The following PXN variants were observed in gnomAD, a reference collection of about 807,000 sequenced individuals.
PXN encodes the protein testicular tissue protein Li 134.
A neutral mutation model predicts 103.6 loss-of-function variants in PXN; 61 were observed. The ratio of observed to expected loss-of-function variants is 0.59; its 90% CI spans 0.48 to 0.73. The LOEUF is 0.73. Among genes scored for constraint, PXN ranks in the 30% least tolerant of loss-of-function variants. The probability of loss-of-function intolerance (pLI) is 0.00; values close to 1 mark genes in which losing one functional copy is unlikely to be tolerated. For synonymous variants in PXN, 562 were observed against 607.8 expected (o/e 0.92, Z 1.11); for missense variants, 1,274 against 1,460.3 (o/e 0.87, Z 2.08).
In PXN at chr12:120,222,048, G is replaced by A. The variant is rs1448668813; in HGVS notation, c.696-290C>T. On this transcript the variant is annotated intron_variant, in intron 5 of 14. Transcript: ENST00000637617. This position sits in a 1 kb window ranked among gnomAD's most constrained non-coding sequence, Gnocchi z 4.7. Reference sequence around the variant, plus strand: ...CCTCCACAACACTGGACATGGAGGTGAGGCTACTGCAGTAACACGACGGCA... The same window carrying A: ...CCTCCACAACACTGGACATGGAGGTAAGGCTACTGCAGTAACACGACGGCA... Among the ~76,000 whole-genome samples, 2 of 152,210 alleles carry A rather than the reference G, an allele frequency of 1.3e-5. No individual in the cohort carries two copies. Among genetic ancestry groups the A allele is most frequent in the African/African-American group, 4.8e-5 (2 of 41,456 alleles).
chr12:120,264,626 G>C (rs544593653), intron 1 of PXN, among the ~76,000 whole-genome samples: 128 of 152,330 alleles, frequency 8.4e-4, no homozygotes, highest in Non-Finnish European at 1.6e-3. Context: ...CCAATAACAG[G>C]AAAACAGTAA....
intron 1 of PXN, among the ~76,000 whole-genome samples, chr12:120,238,571 A>G (rs796239639): frequency 6.6e-6 from 1 of 152,260 alleles, no homozygotes; most frequent in African/African-American, 2.4e-5. Context: ...GCAGAGCCAG[A>G]GGGCAACAGC....
rs1414976238 is a variant in PXN, at chr12:120,222,686, A to G, written c.558T>C (p.Thr186=). 3 of 1,609,500 alleles carry G rather than the reference A, an allele frequency of 1.9e-6. No individual in the cohort carries two copies. Among genetic ancestry groups the G allele is most frequent in the African/African-American group, 2.7e-5 (2 of 74,872 alleles). Residue 186 remains threonine, a synonymous_variant, in exon 5 of 15, where the codon ACT becomes ACC. Transcript: ENST00000637617. The surrounding 1 kb of genome is among the most constrained non-coding windows in gnomAD (Gnocchi z 4.7). ...CAGCTTTGCCTCCCAAGGGGCTGTT[A>G]GTCTCTGGGACACCATAGAGGGGGC... ...ALSPLYGVPE[T]NSPLGGKAGP...
In PXN at chr12:120,217,183, C is replaced by T. The variant is rs1594361551; in HGVS notation, c.1717-67G>A. The T allele has an allele frequency of 1.6e-6, 2 of 1,285,726 alleles. No individual in the cohort carries two copies. Among genetic ancestry groups the T allele is most frequent in the East Asian group, 2.5e-5 (1 of 39,842 alleles). 79.6% of individuals were successfully genotyped at this position (1,285,726 alleles called of 1,614,324 possible). Reference sequence around the variant, plus strand: ...AGCTTGCACAACGCTGCTCAGGCCACACTCAGATGCCTCAGGAGAGGGAGC... The same window carrying T: ...AGCTTGCACAACGCTGCTCAGGCCATACTCAGATGCCTCAGGAGAGGGAGC... On this transcript the variant is annotated intron_variant, in intron 7 of 14. Coordinates refer to ENST00000637617, the MANE Select transcript of PXN (RefSeq NM_001385981.1). The surrounding 1 kb of genome is among the most constrained non-coding windows in gnomAD (Gnocchi z 4.1).
At chr12:120,224,000 A>C (rs1886059462) in intron 2 of PXN, 151 bp downstream of exon 2, 4 of 792,492 alleles carry the variant, frequency 5.0e-6, no homozygotes, top group Non-Finnish European at 8.0e-6. Flanking sequence ...TCACTGTTCC[A>C]CTCACGTGGT....
At position 120,228,518 on chromosome 12, in the gene PXN, G is replaced by C. The variant is rs1887366859; in HGVS notation, c.14-4141C>G. 6.6e-6 allele frequency among the ~76,000 whole-genome samples: 1 copy of C among 152,250 alleles called. No individual in the cohort carries two copies. Among genetic ancestry groups the C allele is most frequent in the Non-Finnish European group, 1.5e-5 (1 of 68,036 alleles). ...GCAGACTGTCTGCTGCTCCCCACCA[G>C]AGGGCACCATTGGCCCGTCAGCTTC... On this transcript the variant is annotated intron_variant, in intron 1 of 14. Coordinates refer to ENST00000637617, the MANE Select transcript of PXN (RefSeq NM_001385981.1). The surrounding 1 kb of genome is among the most constrained non-coding windows in gnomAD (Gnocchi z 4.7).
In PXN at chr12:120,214,809, CGGATGAGGAACTCACATCCA is replaced by C; in HGVS notation, c.2744_2748+15del. On this transcript the variant is annotated splice_donor_variant and splice_donor_5th_base_variant and coding_sequence_variant and intron_variant, in exon 12 of 15. Transcript: ENST00000637617. LOFTEE classifies it high-confidence loss of function. This position sits in a 1 kb window ranked among gnomAD's most constrained non-coding sequence, Gnocchi z 5.0. ...GAATGAGCGGAAGCGGGCGCGGTGC[CGGATGAGGAACTCACATCCA>C]GGATGGGGCCGTTGCAGTAGTAGCA... 1 of 1,613,200 alleles carries C rather than the reference CGGATGAGGAACTCACATCCA, an allele frequency of 6.2e-7. No homozygotes were observed. Among genetic ancestry groups the C allele is most frequent in the Non-Finnish European group, 8.5e-7 (1 of 1,179,260 alleles).
At chr12:120,259,624 C>A (rs1333862136) in intron 1 of PXN, among the ~76,000 whole-genome samples, 1 of 152,134 alleles carries the variant, frequency 6.6e-6, no homozygotes, top group Admixed American at 6.5e-5. Context: ...CATCCAAGGC[C>A]TCCCTGGAGA....
rs3845191 is a variant in PXN at position 120,229,296 on chromosome 12, G to T, written c.14-4919C>A. ...CTGCAGCACAGAAACAAGCCAGGCT[G>T]CTTCCTCCTACCTAAGCCCCTGCCA... On this transcript the variant is annotated intron_variant, in intron 1 of 14. Coordinates refer to ENST00000637617, the MANE Select transcript of PXN (RefSeq NM_001385981.1). This position sits in a 1 kb window ranked among gnomAD's most constrained non-coding sequence, Gnocchi z 4.0. Among the ~76,000 whole-genome samples the T allele has an allele frequency of 0.84, 127,551 of 152,160 alleles. 54,087 individuals are homozygous for T. The highest frequency in any genetic ancestry group is 0.98 in the East Asian group (5,088 of 5,170).
intron 1 of PXN, among the ~76,000 whole-genome samples, chr12:120,234,259 T>G (rs977594763): frequency 6.6e-6 from 1 of 151,642 alleles, no homozygotes; most frequent in African/African-American, 2.4e-5. Context: ...AAATACAAAA[T>G]TTAGTTGAGC....
At position 120,211,656 on chromosome 12, in the gene PXN, G is replaced by C; in HGVS notation, c.*658C>G. ...ACGCCGTCCCGGAGACGGAGGAAGT[G>C]ACTAGAAAACATTATTGCTGGAGAG... On this transcript the variant is annotated 3_prime_UTR_variant, in exon 15 of 15. Coordinates refer to ENST00000637617, the MANE Select transcript of PXN (RefSeq NM_001385981.1). 1 of 306,510 alleles carries C rather than the reference G, an allele frequency of 3.3e-6. No homozygotes were observed. Among genetic ancestry groups the C allele is most frequent in the Non-Finnish European group, 6.6e-6 (1 of 152,084 alleles). 19.0% of individuals were successfully genotyped at this position (306,510 alleles called of 1,614,324 possible). A position where few individuals can be genotyped will look rare whatever the true frequency, so the allele number is the denominator to read the frequency against.
At position 120,220,898 on chromosome 12, in the gene PXN, C is replaced by T. The variant is rs1051714915; in HGVS notation, c.831+725G>A. 6.6e-6 allele frequency among the ~76,000 whole-genome samples: 1 copy of T among 152,282 alleles called. No homozygotes were observed. Among genetic ancestry groups the T allele is most frequent in the Non-Finnish European group, 1.5e-5 (1 of 68,022 alleles). On this transcript the variant is annotated intron_variant, in intron 6 of 14. Transcript: ENST00000637617. This position sits in a 1 kb window ranked among gnomAD's most constrained non-coding sequence, Gnocchi z 6.1. ...GCCCCAAAGGTCTCCAGCTGACCCACGTGGAAGTATGAAGTCAGCAGCTGC... is the reference window on the plus strand; with the variant it reads ...GCCCCAAAGGTCTCCAGCTGACCCATGTGGAAGTATGAAGTCAGCAGCTGC...
chr12:120,235,694 C>T (rs1888898669), intron 1 of PXN, among the ~76,000 whole-genome samples: 1 of 152,188 alleles, frequency 6.6e-6, no homozygotes, highest in Non-Finnish European at 1.5e-5. Context: ...CCCTCTGCCT[C>T]AGGAGGGGTC....
intron 1 of PXN, among the ~76,000 whole-genome samples, chr12:120,247,269 C>A (rs901550487): frequency 2.0e-5 from 3 of 152,148 alleles, no homozygotes; most frequent in Admixed American, 2.0e-4. Flanking sequence ...CAGATAGATT[C>A]AGTATAAAGC....
chr12:120,248,701 G>A (rs904613822), intron 1 of PXN: 4 of 152,154 alleles, frequency 2.6e-5, no homozygotes, highest in African/African-American at 9.7e-5. Flanking sequence ...AACTAACCTC[G>A]GGCAAGTTGC....
rs200185813 is a variant in PXN at position 120,236,404 on chromosome 12, C to T, written c.14-12027G>A. 1.4e-4 allele frequency among the ~76,000 whole-genome samples: 22 copies of T among 152,028 alleles called. No individual in the cohort carries two copies. In the East Asian group the frequency reaches 3.9e-3, roughly 27 times the overall value. On this transcript the variant is annotated intron_variant, in intron 1 of 14. Coordinates refer to ENST00000637617, the MANE Select transcript of PXN (RefSeq NM_001385981.1). ...CATGATCACAGCTCACTGCAATCTC[C>T]ACCTCCTGGGATCCCACCTCAGCCT...
chr12:120,243,858 A>G (rs1046940694), intron 1 of PXN, among the ~76,000 whole-genome samples: 24 of 152,172 alleles, frequency 1.6e-4, no homozygotes, highest in African/African-American at 5.8e-4. Context: ...TGTCTGCCTA[A>G]GGGGCCATGT....
chr12:120,212,742 AT>A lies in PXN; in HGVS notation c.2980-163del. ...TCCTAAACGCTCATTTTTCATTTTT[AT>A]TTTATTAAATAAATTTTTTTTGTAG... is the stretch of plus-strand genomic sequence containing the variant. On this transcript the variant is annotated intron_variant, in intron 14 of 14. Transcript: ENST00000637617. The surrounding 1 kb of genome is among the most constrained non-coding windows in gnomAD (Gnocchi z 7.2). 1.3e-6 allele frequency: 1 copy of A among 743,430 alleles called. No individual in the cohort carries two copies. The highest frequency in any genetic ancestry group is 2.0e-6 in the Non-Finnish European group (1 of 500,652). The allele number at this position is 743,430 out of a possible 1,614,324, so 46.1% of individuals were successfully genotyped here. A position where few individuals can be genotyped will look rare whatever the true frequency, so the allele number is the denominator to read the frequency against.
Position 120,217,188 on chromosome 12 carries a change from A to G in PXN, c.1717-72T>C. ...GCACAACGCTGCTCAGGCCACACTCAGATGCCTCAGGAGAGGGAGCACAAA... is the reference window on the plus strand; with the variant it reads ...GCACAACGCTGCTCAGGCCACACTCGGATGCCTCAGGAGAGGGAGCACAAA... On this transcript the variant is annotated intron_variant, in intron 7 of 14. Coordinates refer to ENST00000637617, the MANE Select transcript of PXN (RefSeq NM_001385981.1). The surrounding 1 kb of genome is among the most constrained non-coding windows in gnomAD (Gnocchi z 4.1). 1.1e-5 allele frequency: 14 copies of G among 1,260,440 alleles called. No individual in the cohort carries two copies. Among genetic ancestry groups the G allele is most frequent in the Non-Finnish European group, 1.6e-5 (14 of 901,904 alleles). 78.1% of individuals were successfully genotyped at this position (1,260,440 alleles called of 1,614,324 possible).
Sources: allele counts gnomAD v4.1 joint callset (sites outside exome capture counted in the v4.1 genomes callset), GRCh38; gene constraint gnomAD v4.1.1; non-coding constraint Gnocchi (gnomAD v3.1); transcripts MANE v1.5; gene names NCBI Gene and HGNC (gene_info 2026-07-23, HGNC 2026-07-21).